Variants in FSTL4 observed in about 807,000 individuals in gnomAD.
The protein encoded by FSTL4 is follistatin like 4.
A neutral mutation model predicts 78.2 loss-of-function variants in FSTL4; 28 were observed. The ratio of observed to expected loss-of-function variants is 0.36; its 90% CI spans 0.27 to 0.49. The LOEUF (loss-of-function observed/expected upper bound fraction) is 0.49, where lower values mean the gene tolerates loss of function less well. FSTL4 is among the 20% of genes least tolerant of loss of function. FSTL4 has a pLI of 0.98. For synonymous variants in FSTL4, 422 were observed against 440.5 expected (o/e 0.96, Z 0.53); for missense variants, 922 against 1,084.9 (o/e 0.85, Z 2.11).
rs774888029 is a variant in FSTL4, at chr5:133,225,621, GA to G, written c.1177+36del. ...TGGAGTCTCAGCTTGATTTGAATGG[GA>G]ATATCGCATAGACGTCTACCAAGGG... On this transcript the variant is annotated intron_variant, in intron 9 of 15. Coordinates refer to ENST00000265342, the MANE Select transcript of FSTL4 (RefSeq NM_015082.2). This position sits in a 1 kb window ranked among gnomAD's most constrained non-coding sequence, Gnocchi z 4.6. 3.1e-5 allele frequency: 46 copies of G among 1,497,128 alleles called. No homozygotes were observed. Among genetic ancestry groups the G allele is most frequent in the Non-Finnish European group, 4.0e-5 (44 of 1,110,626 alleles). The allele number at this position is 1,497,128 out of a possible 1,614,324, so 92.7% of individuals were successfully genotyped here. A position where few individuals can be genotyped will look rare whatever the true frequency, so the allele number is the denominator to read the frequency against.
intron 2 of FSTL4, chr5:133,583,329 C>T: frequency 3.7e-6 from 1 of 269,540 alleles, no homozygotes; most frequent in Non-Finnish European, 7.6e-6. Context: ...CTCCGGTCTA[C>T]AGCTCCCAGC....
At chr5:133,633,944 G>T in the FSTL4 span, among the ~76,000 whole-genome samples, 3 of 152,188 alleles carry the variant, frequency 2.0e-5, no homozygotes, top group East Asian at 5.8e-4. Flanking sequence ...CCCTGGCAGG[G>T]AATGATAGGA....
chr5:133,548,330 G>C lies in FSTL4; in HGVS notation c.160+18856C>G, dbSNP rs76381752. On this transcript the variant is annotated intron_variant, in intron 3 of 15. Transcript: ENST00000265342. Reference sequence around the variant, plus strand: ...ATGGTTAGCGTTTGAAGTGAGAGCAGTCTTATAGAGGACTGAGTCCTTAAC... The same window carrying C: ...ATGGTTAGCGTTTGAAGTGAGAGCACTCTTATAGAGGACTGAGTCCTTAAC... Among the ~76,000 whole-genome samples, 1,359 of 152,280 alleles carry C rather than the reference G, an allele frequency of 8.9e-3. 20 individuals are homozygous for C. The highest frequency in any genetic ancestry group is 0.032 in the African/African-American group (1,312 of 41,544).
intron 15 of FSTL4, 96 bp downstream of exon 15, chr5:133,201,837 C>T: frequency 3.0e-6 from 2 of 674,258 alleles, no homozygotes; most frequent in Non-Finnish European, 5.2e-6. Flanking sequence ...GTGGAGGAGA[C>T]AGAGAAATGA....
chr5:133,431,646 G>A (rs1171896060), intron 3 of FSTL4, among the ~76,000 whole-genome samples: 1 of 152,180 alleles, frequency 6.6e-6, no homozygotes, highest in African/African-American at 2.4e-5. Flanking sequence ...AGTAACCCCA[G>A]TCAATGCCAC....
rs73788137 is a variant in FSTL4 at position 133,541,628 on chromosome 5, T to C, written c.160+25558A>G. 5.3e-3 allele frequency among the ~76,000 whole-genome samples: 809 copies of C among 152,310 alleles called. 7 individuals are homozygous for C. The highest frequency in any genetic ancestry group is 0.019 in the African/African-American group (774 of 41,544). On this transcript the variant is annotated intron_variant, in intron 3 of 15. Transcript: ENST00000265342. ...TTTGAAACATACAATATGCCACAAA[T>C]CCATTAACATGTTTTTTTCTTTTTA...
intron 6 of FSTL4, among the ~76,000 whole-genome samples, chr5:133,259,297 A>G (rs1752457291): frequency 6.6e-6 from 1 of 152,014 alleles, no homozygotes; most frequent in Non-Finnish European, 1.5e-5. Context: ...CATTCTAGTT[A>G]GAGAAAACAG....
intron 3 of FSTL4, among the ~76,000 whole-genome samples, chr5:133,521,153 C>A (rs1259976175): frequency 6.6e-6 from 1 of 152,146 alleles, no homozygotes; most frequent in Non-Finnish European, 1.5e-5. Context: ...GACCCCCCAT[C>A]CCCAGCAGCA....
intron 2 of FSTL4, among the ~76,000 whole-genome samples, chr5:133,596,885 T>C (rs1490643843): frequency 6.6e-6 from 1 of 152,220 alleles, no homozygotes; most frequent in Admixed American, 6.5e-5. Flanking sequence ...GGCTGATTTT[T>C]ATTAGGAGGA....
the FSTL4 span, among the ~76,000 whole-genome samples, chr5:133,718,323 C>T: frequency 6.6e-6 from 1 of 152,160 alleles, no homozygotes; most frequent in African/African-American, 2.4e-5. Flanking sequence ...TCGTGATCCG[C>T]CTGCCTCGGC....
At chr5:133,757,418 G>A in the FSTL4 span, among the ~76,000 whole-genome samples, 1 of 152,166 alleles carries the variant, frequency 6.6e-6, no homozygotes, top group Non-Finnish European at 1.5e-5. Context: ...TCAATAGCAC[G>A]TGGTGATTGG....
chr5:133,510,300 C>G (rs1758700576), intron 3 of FSTL4, among the ~76,000 whole-genome samples: 1 of 152,194 alleles, frequency 6.6e-6, no homozygotes, highest in African/African-American at 2.4e-5. Context: ...GGCAAAACAC[C>G]TTGTTGGCAT....
intron 3 of FSTL4, among the ~76,000 whole-genome samples, chr5:133,443,750 A>G (rs1246392245): frequency 6.6e-6 from 1 of 152,142 alleles, no homozygotes; most frequent in Non-Finnish European, 1.5e-5. Context: ...CTCCAGCCTC[A>G]TAGGAGGCCC....
At chr5:133,784,341 C>A in the FSTL4 span, among the ~76,000 whole-genome samples, 1 of 152,014 alleles carries the variant, frequency 6.6e-6, no homozygotes, top group African/African-American at 2.4e-5. Context: ...TAAACTGAGG[C>A]CAGGAAAAAC....
chr5:133,538,951 C>T (rs1418768645), intron 3 of FSTL4, among the ~76,000 whole-genome samples: 3 of 152,140 alleles, frequency 2.0e-5, no homozygotes, highest in Admixed American at 2.0e-4. Flanking sequence ...AGCATCTCCA[C>T]GTGGTCTCTA....
the FSTL4 span, among the ~76,000 whole-genome samples, chr5:133,684,898 C>A: frequency 2.0e-5 from 3 of 152,184 alleles, no homozygotes; most frequent in Non-Finnish European, 4.4e-5. Context: ...TATTAGGCAT[C>A]CTGCTTCTTT....
intron 4 of FSTL4, among the ~76,000 whole-genome samples, chr5:133,391,873 C>T (rs1755859053): frequency 6.6e-6 from 1 of 152,208 alleles, no homozygotes; most frequent in Non-Finnish European, 1.5e-5. Flanking sequence ...CTCCATGGCA[C>T]TTGTCACCAT....
At chr5:133,406,064 C>T (rs1212379840) in intron 3 of FSTL4, among the ~76,000 whole-genome samples, 2 of 152,206 alleles carry the variant, frequency 1.3e-5, no homozygotes, top group Non-Finnish European at 2.9e-5. Flanking sequence ...AAAAACAAGA[C>T]AAGTGTAGAT....
chr5:133,627,882 T>C, the FSTL4 span, among the ~76,000 whole-genome samples: 3 of 151,840 alleles, frequency 2.0e-5, no homozygotes, highest in African/African-American at 7.2e-5. Context: ...TTTATATTTA[T>C]TTTTATTCAA....
Sources: allele counts gnomAD v4.1 joint callset (sites outside exome capture counted in the v4.1 genomes callset), GRCh38; gene constraint gnomAD v4.1.1; non-coding constraint Gnocchi (gnomAD v3.1); transcripts MANE v1.5; gene names NCBI Gene and HGNC (gene_info 2026-07-23, HGNC 2026-07-21).